AP3B2: variants seen among roughly 807,000 people sequenced by gnomAD.
AP3B2 encodes adaptor related protein complex 3 subunit beta 2.
AP3B2 carries 50 observed loss-of-function variants against 126.9 expected under a neutral mutation model. That is an observed-to-expected ratio of 0.39 (90% CI 0.31 to 0.50). The LOEUF (loss-of-function observed/expected upper bound fraction) is 0.50, where lower values mean the gene tolerates loss of function less well. Among genes scored for constraint, AP3B2 ranks in the 20% least tolerant of loss-of-function variants. The pLI is 0.79. For synonymous variants in AP3B2, 541 were observed against 565.0 expected (o/e 0.96, Z 0.60); for missense variants, 1,177 against 1,426.4 (o/e 0.83, Z 2.82).
intron 1 of AP3B2, chr15:82,699,712 T>C (rs940592793): frequency 2.5e-6 from 1 of 399,652 alleles, no homozygotes; most frequent in Non-Finnish European, 4.4e-6. Flanking sequence ...GTCTTCCTCC[T>C]GGGCCTGCAG....
intron 14 of AP3B2, among the ~76,000 whole-genome samples, chr15:82,673,852 G>A (rs2048198101): frequency 6.6e-6 from 1 of 152,066 alleles, no homozygotes; most frequent in Non-Finnish European, 1.5e-5. Context: ...CACTGTAAAG[G>A]CGGTCACATG....
chr15:82,698,663 G>A (rs2048668045), intron 1 of AP3B2, among the ~76,000 whole-genome samples: 1 of 152,116 alleles, frequency 6.6e-6, no homozygotes, highest in African/African-American at 2.4e-5. Flanking sequence ...CTGATCTTCT[G>A]AGGAGTCACC....
chr15:82,690,891 C>T (rs1013392144), intron 1 of AP3B2, among the ~76,000 whole-genome samples: 4 of 151,998 alleles, frequency 2.6e-5, no homozygotes, highest in Non-Finnish European at 5.9e-5. Flanking sequence ...CTCCTGACCT[C>T]GTGATCTACC....
chr15:82,666,638 C>T (rs1020970830), intron 15 of AP3B2, 109 bp downstream of exon 15: 11 of 1,262,584 alleles, frequency 8.7e-6, no homozygotes, highest in South Asian at 1.5e-5. Context: ...GCAGGACTGT[C>T]CACAGAAGCC....
At chr15:82,679,961 G>A (rs2151440316) in intron 9 of AP3B2, among the ~76,000 whole-genome samples, 161 bp from the exon 10 acceptor site, 1 of 152,208 alleles carries the variant, frequency 6.6e-6, no homozygotes, top group East Asian at 1.9e-4. Flanking sequence ...GATCTGACTA[G>A]CTCTTTTTCC....
Position 82,663,547 on chromosome 15 carries a change from C to T in AP3B2, c.2497+13G>A, listed in dbSNP as rs115787806. The T allele has an allele frequency of 2.6e-3, 4,266 of 1,613,180 alleles. 99 individuals carry two copies. The African/African-American group carries it at 0.05, about 19-fold the overall frequency. ...GCCTCCTTTCCCCTGTGACTTTTAC[C>T]ACCCAAACTCACAATCCTCTAGATC... On this transcript the variant is annotated intron_variant, in intron 21 of 26. Coordinates refer to ENST00000535359, the MANE Select transcript of AP3B2 (RefSeq NM_001278512.2).
rs770270397 is a variant in AP3B2, at chr15:82,663,924, C to T, written c.2313G>A (p.Glu771=). The T allele has an allele frequency of 2.5e-6, 4 of 1,611,182 alleles. No individual in the cohort carries two copies. The highest frequency in any genetic ancestry group is 2.7e-5 in the African/African-American group (2 of 74,944). Residue 771 remains glutamate (E), a synonymous_variant, in exon 20 of 27, where the codon GAG becomes GAA. Transcript: ENST00000535359. ...GKRKTKKKVP[E]RKGEASSSDE... is the part of the protein sequence containing the mutation. The stretch of plus-strand genomic sequence containing the variant: ...CAGAGGATGACGCTTCTCCTTTTCT[C>T]TCTGGCACCTTCTTCTTTGTCTTCC...
At chr15:82,709,480 C>T in intron 1 of AP3B2, 114 bp downstream of exon 1, 1 of 648,542 alleles carries the variant, frequency 1.5e-6, no homozygotes, top group Non-Finnish European at 2.0e-6. Flanking sequence ...GGCTTCCGGT[C>T]GGCGCGGCCG....
Position 82,705,782 on chromosome 15 carries a change from T to C in AP3B2, c.113+3812A>G, listed in dbSNP as rs138565427. The stretch of plus-strand genomic sequence containing the variant: ...CCCTTCTACAAAGCAACAACTCCTT[T>C]CCTTTCAAGGGATGGTTAGGTACTT... On this transcript the variant is annotated intron_variant, in intron 1 of 26. Coordinates refer to ENST00000535359, the MANE Select transcript of AP3B2 (RefSeq NM_001278512.2). 7.1e-3 allele frequency among the ~76,000 whole-genome samples: 1,084 copies of C among 152,296 alleles called. 10 individuals carry two copies. Among genetic ancestry groups the C allele is most frequent in the Middle Eastern group, 0.041 (12 of 294 alleles).
In AP3B2 at chr15:82,680,339, G is replaced by C; in HGVS notation, c.1056-110C>G. 1 of 1,538,986 alleles carries C rather than the reference G, an allele frequency of 6.5e-7. No individual in the cohort carries two copies. The highest frequency in any genetic ancestry group is 1.2e-5 in the South Asian group (1 of 86,282). The stretch of plus-strand genomic sequence containing the variant: ...TTGCGGGGAGAGGACCAGTGCGGAG[G>C]GCAGGACTACGGTCAGTGTGGAGCG... On this transcript the variant is annotated intron_variant, in intron 8 of 26. Coordinates refer to ENST00000535359, the MANE Select transcript of AP3B2 (RefSeq NM_001278512.2). The surrounding 1 kb of genome is among the most constrained non-coding windows in gnomAD (Gnocchi z 6.1).
At chr15:82,690,921 G>GCTGGGATTACAGGCATGAGCCACA (rs1420322453) in intron 1 of AP3B2, among the ~76,000 whole-genome samples, 1 of 116,454 alleles carries the variant, frequency 8.6e-6, no homozygotes, top group Non-Finnish European at 2.0e-5. Context: ...CTCCCAAAGT[G>GCTGGGATTACAGGCATGAGCCACA]CTGGGATTAC....
intron 1 of AP3B2, chr15:82,691,847 C>CA (rs893646619): frequency 1.5e-6 from 2 of 1,332,608 alleles, no homozygotes; most frequent in African/African-American, 2.9e-5. Flanking sequence ...AGGATAAACT[C>CA]AGATGTAGGA....
chr15:82,696,890 C>T (rs2151457284), intron 1 of AP3B2, among the ~76,000 whole-genome samples: 1 of 152,300 alleles, frequency 6.6e-6, no homozygotes, highest in Non-Finnish European at 1.5e-5. Flanking sequence ...GAAACTGATG[C>T]ACTCATATGT....
At chr15:82,697,320 C>T (rs995346628) in intron 1 of AP3B2, among the ~76,000 whole-genome samples, 5 of 151,368 alleles carry the variant, frequency 3.3e-5, no homozygotes, top group Admixed American at 1.3e-4. Flanking sequence ...GGCAACAGAA[C>T]GAGACTCCAT....
rs1596166524 is a variant in AP3B2 at position 82,663,147 on chromosome 15, CTG to C, written c.2582_2583del (p.Thr861ArgfsTer58). On this transcript the variant is annotated frameshift_variant, in exon 22 of 27. Transcript: ENST00000535359. LOFTEE classifies it high-confidence loss of function. Reference protein sequence around the residue: ...LAADLEGLTLTDSTLVPSLLS... With the variant: ...LAADLEGLTLXDSTLVPSLLS... ...CTCACCGACGGTACCAGGGTGGAGT[CTG>C]TGAGTGTCAGGCCCTCCAGGTCAGC... The C allele has an allele frequency of 1.2e-6, 2 of 1,611,748 alleles. No individual in the cohort carries two copies. Among genetic ancestry groups the C allele is most frequent in the Non-Finnish European group, 1.7e-6 (2 of 1,179,508 alleles).
intron 1 of AP3B2, among the ~76,000 whole-genome samples, chr15:82,690,926 G>GATTACAGGCATGAGCCACGCTGGA (rs1373779132): frequency 6.6e-6 from 1 of 151,942 alleles, no homozygotes; most frequent in Non-Finnish European, 1.5e-5. Context: ...AAAGTGCTGG[G>GATTACAGGCATGAGCCACGCTGGA]ATTACAGGCA....
At chr15:82,671,430 T>C (rs762544463) in intron 14 of AP3B2, among the ~76,000 whole-genome samples, 1 of 152,062 alleles carries the variant, frequency 6.6e-6, no homozygotes, top group African/African-American at 2.4e-5. Context: ...GAGAACAGTT[T>C]GGAGGTTCCT....
chr15:82,697,540 C>T lies in AP3B2; in HGVS notation c.114-8087G>A, dbSNP rs78678424. ...AGGAAGAGAAGAACCAGACAGAACA[C>T]GCAACTTAGTCACAGGGCTGCAGAA... On this transcript the variant is annotated intron_variant, in intron 1 of 26. Transcript: ENST00000535359. 9.5e-3 allele frequency among the ~76,000 whole-genome samples: 1,450 copies of T among 152,200 alleles called. 26 individuals carry two copies. The highest frequency in any genetic ancestry group is 0.028 in the African/African-American group (1,153 of 41,514).
At chr15:82,697,371 G>C (rs2151457637) in intron 1 of AP3B2, among the ~76,000 whole-genome samples, 1 of 152,242 alleles carries the variant, frequency 6.6e-6, no homozygotes, top group African/African-American at 2.4e-5. Flanking sequence ...TGTGTGCAAA[G>C]TTAGTCACAG....
Sources: allele counts gnomAD v4.1 joint callset (sites outside exome capture counted in the v4.1 genomes callset), GRCh38; gene constraint gnomAD v4.1.1; non-coding constraint Gnocchi (gnomAD v3.1); transcripts MANE v1.5; gene names NCBI Gene and HGNC (gene_info 2026-07-23, HGNC 2026-07-21).